Variants in ACADVL observed in about 807,000 individuals in gnomAD.
The protein encoded by ACADVL is very long-chain acyl-CoA dehydrogenase, mitochondrial.
In ACADVL, 73 loss-of-function variants were observed where a neutral mutation model predicts 80.4. The observed-to-expected ratio is 0.91, with a 90% confidence interval of 0.75 to 1.10. The LOEUF (loss-of-function observed/expected upper bound fraction) is 1.10, where lower values mean the gene tolerates loss of function less well. Ranked by LOEUF, ACADVL falls within the 50% of genes least tolerant of loss-of-function variation. The pLI, the probability that ACADVL is intolerant of heterozygous loss-of-function variation, is 0.00. For missense variants in ACADVL, 878 were observed against 858.9 expected (o/e 1.02, Z -0.28); for synonymous variants, 392 against 326.5 (o/e 1.20, Z -2.16).
chr17:7,217,855 G>A, upstream of ACADVL: 1 of 1,526,266 alleles, frequency 6.6e-7, no homozygotes, highest in Non-Finnish European at 8.8e-7. Flanking sequence ...AGCATCTATA[G>A]TTGGGCTGGG....
At chr17:7,219,224 G>T, upstream of ACADVL, 1 of 331,988 alleles carries the variant, frequency 3.0e-6, no homozygotes, top group Non-Finnish European at 5.1e-6. Flanking sequence ...GGCTAGAGAA[G>T]TTGGGGTTTT....
At chr17:7,221,884 G>A in intron 7 of ACADVL, 68 bp from the exon 8 acceptor site, 2 of 1,612,014 alleles carry the variant, frequency 1.2e-6, no homozygotes, top group Non-Finnish European at 1.7e-6. Flanking sequence ...CTGGAGGGAT[G>A]GGGAAGTGGG....
chr17:7,218,530 G>A (rs759197027), upstream of ACADVL: 15 of 1,555,212 alleles, frequency 9.6e-6, no homozygotes, highest in African/African-American at 4.1e-5. Context: ...CTCAGAAAAC[G>A]GGCTACTCAC....
rs1382340897 is a variant in ACADVL at position 7,223,882 on chromosome 17, G to A, written c.1332+7G>A. On this transcript the variant is annotated splice_region_variant and intron_variant, in intron 13 of 19. Transcript: ENST00000356839. ...GGGTATGGGCTTCATGAAGGTACAG[G>A]ACGGTCTTCTGCAGAGCCTCGGCTG... is the stretch of plus-strand genomic sequence containing the variant. The A allele has an allele frequency of 1.3e-5, 21 of 1,614,016 alleles. No homozygotes were observed. Among genetic ancestry groups the A allele is most frequent in the Non-Finnish European group, 1.7e-5 (20 of 1,180,032 alleles).
At position 7,222,023 on chromosome 17, in the gene ACADVL, G is replaced by C; in HGVS notation, c.694G>C (p.Ala232Pro). Residue 232 changes from alanine (A) to proline (P), a missense_variant, in exon 8 of 20, where the codon GCT becomes CCT. Transcript: ENST00000356839. Reference sequence around the variant, plus strand: ...AGATGCAGCCTCCATCCGAACCTCTGCTGTGCCCAGCCCCTGTGGAAAATA... The same window carrying C: ...AGATGCAGCCTCCATCCGAACCTCTCCTGTGCCCAGCCCCTGTGGAAAATA... ...GSDAASIRTS[A>P]VPSPCGKYYT... 6.2e-7 allele frequency: 1 copy of C among 1,614,130 alleles called. No homozygotes were observed. The highest frequency in any genetic ancestry group is 8.5e-7 in the Non-Finnish European group (1 of 1,180,026).
chr17:7,222,564 T>C (rs763321899), intron 9 of ACADVL, 103 bp from the exon 10 acceptor site: 1 of 1,292,636 alleles, frequency 7.7e-7, no homozygotes, highest in Non-Finnish European at 1.1e-6. Context: ...AATAGTCTAG[T>C]GGTCGTCATT....
upstream of ACADVL, chr17:7,217,263 G>C (rs2070962883): frequency 8.2e-7 from 1 of 1,220,896 alleles, no homozygotes; most frequent in African/African-American, 1.6e-5. Flanking sequence ...TGCAGGGGGG[G>C]CCAGGATGGG....
intron 6 of ACADVL, 139 bp from the exon 7 acceptor site, chr17:7,221,399 C>A: frequency 4.2e-6 from 6 of 1,427,710 alleles, no homozygotes; most frequent in Non-Finnish European, 5.9e-6. Flanking sequence ...TTTCTACACA[C>A]TGGGGATGGC....
chr17:7,223,034 G>A, intron 10 of ACADVL, 99 bp from the exon 11 acceptor site: 1 of 1,463,802 alleles, frequency 6.8e-7, no homozygotes, highest in Non-Finnish European at 9.5e-7. Context: ...AACTCTGGTT[G>A]TATGCAAAAC....
At chr17:7,219,425 C>G, upstream of ACADVL, 5 of 1,018,018 alleles carry the variant, frequency 4.9e-6, no homozygotes, top group Non-Finnish European at 5.9e-6. Context: ...TGTAGCTGTT[C>G]CAAGAGTTAG....
upstream of ACADVL, chr17:7,219,410 G>A (rs182813523): frequency 3.0e-4 from 308 of 1,016,172 alleles, 1 homozygote; most frequent in African/African-American, 5.1e-3. Flanking sequence ...TTCCTACTGT[G>A]AAACTGTAGC....
rs778289879 is a variant in ACADVL, at chr17:7,224,530, A to G, written c.1656A>G (p.Ile552Met). Residue 552 changes from isoleucine to methionine, a missense_variant, in exon 17 of 20, where the codon ATA (isoleucine) becomes ATG (methionine). Transcript: ENST00000356839. ...CCACTGTGGTGGAGGCCAAGCTGAT[A>G]AAACACAAGAAGGGGATTGTCAGTA... Reference protein sequence around the residue: ...QFATVVEAKLIKHKKGIVNEQ... With the variant: ...QFATVVEAKLMKHKKGIVNEQ... 1 of 1,612,882 alleles carries G rather than the reference A, an allele frequency of 6.2e-7. No homozygotes were observed. The highest frequency in any genetic ancestry group is 8.5e-7 in the Non-Finnish European group (1 of 1,179,984).
upstream of ACADVL, chr17:7,217,548 C>G (rs1409582698): frequency 5.5e-6 from 1 of 183,452 alleles, no homozygotes; most frequent in Non-Finnish European, 6.2e-6. Flanking sequence ...GGGGCCGTGG[C>G]GGGGGAGTGG....
chr17:7,220,991 A>T lies in ACADVL; in HGVS notation c.410A>T (p.Lys137Met), dbSNP rs1206020852. ...MVEETTWQGL[K>M]ELGAFGLQVP... ...GAGGAGACCACTTGGCAGGGCCTCA[A>T]GGAGCTGGGGGCCTTTGGTCTGCAA... The change falls in exon 6 of 20, where the codon AAG (lysine) becomes ATG (methionine). Residue 137 changes from lysine (K) to methionine (M), a missense_variant. By Grantham distance (95) the Lys-to-Met change is moderately conservative. Coordinates refer to ENST00000356839, the MANE Select transcript of ACADVL (RefSeq NM_000018.4). 1 of 1,614,094 alleles carries T rather than the reference A, an allele frequency of 6.2e-7. No individual in the cohort carries two copies. The highest frequency in any genetic ancestry group is 1.1e-5 in the South Asian group (1 of 91,082).
At chr17:7,223,096 C>A in intron 10 of ACADVL, 37 bp from the exon 11 acceptor site, 1 of 1,581,300 alleles carries the variant, frequency 6.3e-7, no homozygotes, top group Non-Finnish European at 8.7e-7. Flanking sequence ...TGCAGAACCA[C>A]ACTGAACCAC....
In ACADVL at chr17:7,220,621, T is replaced by C. The variant is rs940857936; in HGVS notation, c.222T>C (p.Ala74=). 2 of 1,614,196 alleles carry C rather than the reference T, an allele frequency of 1.2e-6. No individual in the cohort carries two copies. Among genetic ancestry groups the C allele is most frequent in the Non-Finnish European group, 1.7e-6 (2 of 1,180,026 alleles). ...KPAKAESKSF[A]VGMFKGQLTT... The stretch of plus-strand genomic sequence containing the variant: ...CTGCCCAGGAATCTAAGTCCTTTGC[T>C]GTGGGAATGTTCAAAGGCCAGCTCA... The change falls in exon 4 of 20, where the codon GCT becomes GCC. Residue 74 remains alanine, a synonymous_variant. Transcript: ENST00000356839.
Position 7,225,009 on chromosome 17 carries a change from A to G in ACADVL, c.1880A>G (p.Gln627Arg). 1 of 1,614,110 alleles carries G rather than the reference A, an allele frequency of 6.2e-7. No individual in the cohort carries two copies. The highest frequency in any genetic ancestry group is 8.5e-7 in the Non-Finnish European group (1 of 1,180,036). Residue 627 changes from glutamine to arginine, a missense_variant, in exon 20 of 20, where the codon CAG becomes CGG. Gln to Arg is a conservative substitution (Grantham distance 43, BLOSUM62 1). Transcript: ENST00000356839. ...GMAALQSDPW[Q>R]QELYRNFKSI... The stretch of plus-strand genomic sequence containing the variant: ...GCCGCCCTGCAGTCTGACCCCTGGC[A>G]GCAAGAGCTCTACCGCAACTTCAAA...
rs368416641 is a variant in ACADVL, at chr17:7,221,505, A to G, written c.478-33A>G. 6.8e-5 allele frequency: 109 copies of G among 1,611,498 alleles called. No individual in the cohort carries two copies. The African/African-American group carries it at 1.0e-3, about 15-fold the overall frequency. ...GTTAAGGTCAGGTCCCCCTGCAGCC[A>G]GTGACAACCCCAGATTCCTGCTTCC... On this transcript the variant is annotated intron_variant, in intron 6 of 19. Coordinates refer to ENST00000356839, the MANE Select transcript of ACADVL (RefSeq NM_000018.4).
At chr17:7,217,802 A>G, upstream of ACADVL, 1 of 1,535,308 alleles carries the variant, frequency 6.5e-7, no homozygotes, top group Non-Finnish European at 8.7e-7. Flanking sequence ...ACCAGCGATG[A>G]CAGCAAAGAC....
Sources: gnomAD v4.1 joint callset for allele counts on GRCh38, gnomAD v4.1.1 for gene constraint, MANE v1.5 for transcripts, NCBI Gene and HGNC (gene_info 2026-07-23, HGNC 2026-07-21) for gene names.